The following RBL2 variants were observed in gnomAD, a reference collection of about 807,000 sequenced individuals.
The protein encoded by RBL2 is RB transcriptional corepressor like 2.
A neutral mutation model predicts 126.0 loss-of-function variants in RBL2; 56 were observed. The observed-to-expected ratio is 0.44, with a 90% CI of 0.36 to 0.56. RBL2 has a LOEUF of 0.56. RBL2 is among the 20% of genes least tolerant of loss of function. The pLI, the probability that RBL2 is intolerant of heterozygous loss-of-function variation, is 0.00. For synonymous variants in RBL2, 454 were observed against 478.5 expected, an observed-to-expected ratio of 0.95 and a Z score of 0.67; for missense variants, 1,229 against 1,398.2, an observed-to-expected ratio of 0.88 and a Z score of 1.93.
At chr16:53,477,457 C>A (rs1048770762) in intron 17 of RBL2, among the ~76,000 whole-genome samples, 2 of 152,168 alleles carry the variant, frequency 1.3e-5, no homozygotes, top group East Asian at 1.9e-4. Flanking sequence ...TCTGCCTCAG[C>A]CTCCCATGTA....
intron 21 of RBL2, among the ~76,000 whole-genome samples, chr16:53,486,613 T>A (rs928284429): frequency 6.6e-6 from 1 of 152,178 alleles, no homozygotes; most frequent in African/African-American, 2.4e-5. Context: ...GTAAAAACTC[T>A]CAAGGAACTT....
intron 18 of RBL2, 86 bp downstream of exon 18, chr16:53,479,311 CT>C: frequency 1.0e-5 from 13 of 1,252,330 alleles, no homozygotes; most frequent in Admixed American, 3.9e-5. Flanking sequence ...ACTCTGTGGC[CT>C]TTTTTCCAAG....
chr16:53,461,175 G>A (rs2058216035), intron 9 of RBL2, among the ~76,000 whole-genome samples: 1 of 152,106 alleles, frequency 6.6e-6, no homozygotes, highest in South Asian at 2.1e-4. Context: ...CCCAGGCCAA[G>A]GTTGCTAAAC....
At chr16:53,463,956 G>T (rs1205799297) in intron 11 of RBL2, among the ~76,000 whole-genome samples, 1 of 152,236 alleles carries the variant, frequency 6.6e-6, no homozygotes, top group African/African-American at 2.4e-5. Context: ...GTGTGTGTGT[G>T]TATTTTGGTT....
chr16:53,455,613 T>C (rs965565838), intron 8 of RBL2, among the ~76,000 whole-genome samples: 3 of 151,736 alleles, frequency 2.0e-5, no homozygotes, highest in African/African-American at 7.3e-5. Context: ...TGGGTGATGA[T>C]AGATGAAGAA....
In RBL2 at chr16:53,451,688, C is replaced by T. The variant is rs1389089981; in HGVS notation, c.638-15C>T. The T allele has an allele frequency of 1.2e-6, 2 of 1,611,380 alleles. No homozygotes were observed. The highest frequency in any genetic ancestry group is 2.7e-5 in the African/African-American group (2 of 74,830). ...CAATGCTAATTTAACTCTGTAACTG[C>T]TTATAATCCTGCAGGTAATTTCCCC... On this transcript the variant is annotated splice_polypyrimidine_tract_variant and intron_variant, in intron 4 of 21. Coordinates refer to ENST00000262133, the MANE Select transcript of RBL2 (RefSeq NM_005611.4).
intron 13 of RBL2, chr16:53,466,786 G>A (rs987659255): frequency 3.7e-5 from 11 of 298,788 alleles, no homozygotes; most frequent in Non-Finnish European, 6.3e-5. Context: ...CATGGCCCAG[G>A]GGTTGGGGAC....
chr16:53,438,957 A>T, intron 1 of RBL2, 59 bp from the exon 2 acceptor site: 1 of 1,206,642 alleles, frequency 8.3e-7, no homozygotes, highest in Non-Finnish European at 1.1e-6. Context: ...ACTTTTAAAA[A>T]TATTGAAATA....
At chr16:53,454,945 A>T (rs1455074938) in intron 8 of RBL2, 103 bp downstream of exon 8, 10 of 966,060 alleles carry the variant, frequency 1.0e-5, no homozygotes, top group Admixed American at 3.4e-5. Flanking sequence ...TGCCTACAGT[A>T]TGAAGGAGAA....
intron 20 of RBL2, chr16:53,481,436 T>C (rs1382822917): frequency 7.2e-6 from 3 of 416,446 alleles, no homozygotes; most frequent in African/African-American, 6.2e-5. Context: ...TATGGGGTTG[T>C]TGTAAGGATG....
At chr16:53,459,656 T>C in intron 9 of RBL2, 39 bp downstream of exon 9, 1 of 1,491,592 alleles carries the variant, frequency 6.7e-7, no homozygotes, top group Non-Finnish European at 8.9e-7. Flanking sequence ...GATTTGGTTA[T>C]TGACCATTTT....
At chr16:53,485,842 T>G (rs1961145570) in intron 21 of RBL2, among the ~76,000 whole-genome samples, 1 of 150,384 alleles carries the variant, frequency 6.6e-6, no homozygotes, top group Non-Finnish European at 1.5e-5. Context: ...AGTGACAGAA[T>G]GAGACCATCT....
At chr16:53,453,142 G>C (rs2058131536) in intron 5 of RBL2, among the ~76,000 whole-genome samples, 1 of 152,106 alleles carries the variant, frequency 6.6e-6, no homozygotes, top group African/African-American at 2.4e-5. Context: ...TACTTGCAAA[G>C]TTGTATTTTG....
At position 53,434,670 on chromosome 16, in the gene RBL2, C is replaced by T. The variant is rs1275561911; in HGVS notation, c.114C>T (p.Ala38=). ...AGGCGGAAGACGCCGCGCCGCCTGC[C>T]GAGTCGCCCACCCCTCAGATCCAGC... ...DGEAEDAAPP[A]ESPTPQIQQR... The change falls in exon 1 of 22, where the codon GCC becomes GCT. Residue 38 remains alanine, a synonymous_variant. Transcript: ENST00000262133. 3 of 1,572,372 alleles carry T rather than the reference C, an allele frequency of 1.9e-6. No homozygotes were observed. The highest frequency in any genetic ancestry group is 1.7e-4 in the Middle Eastern group (1 of 5,846).
chr16:53,484,498 C>T (rs757786308), intron 21 of RBL2, among the ~76,000 whole-genome samples: 2 of 152,250 alleles, frequency 1.3e-5, no homozygotes, highest in African/African-American at 2.4e-5. Context: ...GGAATATTTA[C>T]TTGGCAATAA....
intron 21 of RBL2, 86 bp from the exon 22 acceptor site, chr16:53,490,044 T>C: frequency 9.3e-7 from 1 of 1,074,204 alleles, no homozygotes; most frequent in Admixed American, 2.9e-5. Flanking sequence ...CAGGGTAAAC[T>C]GCTTAACTCA....
In RBL2 at chr16:53,434,724, C is replaced by T. The variant is rs1341424406; in HGVS notation, c.168C>T (p.Leu56=). 1.3e-6 allele frequency: 2 copies of T among 1,556,674 alleles called. No homozygotes were observed. Among genetic ancestry groups the T allele is most frequent in the Middle Eastern group, 1.7e-4 (1 of 5,726 alleles). ...QQRFDELCSR[L]NMDEAARAEA... is the part of the protein sequence containing the mutation. Reference sequence around the variant, plus strand: ...GGTTCGACGAGCTGTGCAGCCGCCTCAACATGGACGAGGCGGCGCGGGCCG... The same window carrying T: ...GGTTCGACGAGCTGTGCAGCCGCCTTAACATGGACGAGGCGGCGCGGGCCG... The change falls in exon 1 of 22, where the codon CTC becomes CTT. Residue 56 remains leucine (L), a synonymous_variant. Coordinates refer to ENST00000262133, the MANE Select transcript of RBL2 (RefSeq NM_005611.4).
chr16:53,485,351 G>T (rs1961122989), intron 21 of RBL2, among the ~76,000 whole-genome samples: 2 of 152,204 alleles, frequency 1.3e-5, no homozygotes, highest in South Asian at 4.1e-4. Flanking sequence ...AAAATATTTT[G>T]AACTAAATGA....
At chr16:53,459,659 A>G (rs766425500) in intron 9 of RBL2, 42 bp downstream of exon 9, 3 of 1,479,700 alleles carry the variant, frequency 2.0e-6, no homozygotes, top group Non-Finnish European at 2.7e-6. Flanking sequence ...TTGGTTATTG[A>G]CCATTTTCCA....
Sources: allele counts gnomAD v4.1 joint callset (sites outside exome capture counted in the v4.1 genomes callset), GRCh38; gene constraint gnomAD v4.1.1; transcripts MANE v1.5; gene names NCBI Gene and HGNC (gene_info 2026-07-23, HGNC 2026-07-21).